The following TRIT1 variants were observed in gnomAD, a reference collection of about 807,000 sequenced individuals.
TRIT1 encodes the protein tRNA dimethylallyltransferase.
In TRIT1, 43 loss-of-function variants were observed where a neutral mutation model predicts 51.2. That is an observed-to-expected ratio of 0.84 (90% CI 0.66 to 1.08). TRIT1 has a LOEUF of 1.08. Ranked by LOEUF, TRIT1 falls within the 50% of genes least tolerant of loss-of-function variation. The pLI, the probability that TRIT1 is intolerant of heterozygous loss-of-function variation, is 0.00. For synonymous variants in TRIT1, 184 were observed against 203.9 expected, an observed-to-expected ratio of 0.90 and a Z score of 0.83; for missense variants, 528 against 578.4, an observed-to-expected ratio of 0.91 and a Z score of 0.89.
chr1:39,870,817 A>G (rs997448604), intron 1 of TRIT1, among the ~76,000 whole-genome samples: 2 of 152,182 alleles, frequency 1.3e-5, no homozygotes, highest in African/African-American at 4.8e-5. Flanking sequence ...CTCAAATGAA[A>G]TTTCACACTA....
chr1:39,865,686 A>AAAAG (rs1553144748), intron 1 of TRIT1, among the ~76,000 whole-genome samples: 2 of 147,722 alleles, frequency 1.4e-5, no homozygotes, highest in East Asian at 1.9e-4. Context: ...AAAAAAAAAA[A>AAAAG]AAAAGAAAAG....
At chr1:39,863,234 G>C (rs138850517) in intron 1 of TRIT1, among the ~76,000 whole-genome samples, 2 of 152,362 alleles carry the variant, frequency 1.3e-5, no homozygotes, top group African/African-American at 4.8e-5. Flanking sequence ...AGAAGGCTGA[G>C]TAGGAGGATC....
At chr1:39,882,492 A>G (rs1570160868) in intron 1 of TRIT1, among the ~76,000 whole-genome samples, 1 of 152,218 alleles carries the variant, frequency 6.6e-6, no homozygotes, top group African/African-American at 2.4e-5. Flanking sequence ...CCAAAATGTC[A>G]CCCACTACCC....
At chr1:39,847,171 TATTC>T (rs1456298985) in intron 8 of TRIT1, 45 bp downstream of exon 8, 2 of 1,470,520 alleles carry the variant, frequency 1.4e-6, no homozygotes, top group Middle Eastern at 3.7e-4. Flanking sequence ...AGGACATCTA[TATTC>T]TATTGAAAAC....
At chr1:39,850,333 A>C in intron 4 of TRIT1, 72 bp from the exon 5 acceptor site, 1 of 1,564,522 alleles carries the variant, frequency 6.4e-7, no homozygotes, top group Middle Eastern at 1.8e-4. Context: ...TCTCAAGTAA[A>C]ACAAGGAGAA....
At chr1:39,876,312 A>G (rs1557584949) in intron 1 of TRIT1, among the ~76,000 whole-genome samples, 1 of 152,180 alleles carries the variant, frequency 6.6e-6, no homozygotes, top group Non-Finnish European at 1.5e-5. Context: ...CTGAATCTGC[A>G]AGCCTCATCT....
At chr1:39,843,194 A>G (rs1225153265) in intron 10 of TRIT1, among the ~76,000 whole-genome samples, 1 of 152,112 alleles carries the variant, frequency 6.6e-6, no homozygotes, top group Admixed American at 6.5e-5. Flanking sequence ...CAGTTAATAG[A>G]CCTAATCATC....
In TRIT1 at chr1:39,883,262, G is replaced by A. The variant is rs534639699; in HGVS notation, c.174+56C>T. ...TCACCCTTTAAGACCTTTGCCACAG[G>A]GTGTCCACGCGGCCTCCGGGGTCCC... is the stretch of plus-strand genomic sequence containing the variant. On this transcript the variant is annotated intron_variant, in intron 1 of 10. Coordinates refer to ENST00000316891, the MANE Select transcript of TRIT1 (RefSeq NM_017646.6). 1.2e-3 allele frequency: 1,906 copies of A among 1,549,196 alleles called. 6 individuals are homozygous for A. The highest frequency in any genetic ancestry group is 1.5e-3 in the Non-Finnish European group (1,664 of 1,144,672).
rs552491782 is a variant in TRIT1, at chr1:39,869,182, C to T, written c.175-11765G>A. On this transcript the variant is annotated intron_variant, in intron 1 of 10. Transcript: ENST00000316891. ...AGGCTGGACTGTAGTGCCGCCATCTCGGCTCACTGCAACCTCCCTGCCTGA... is the reference window on the plus strand; with the variant it reads ...AGGCTGGACTGTAGTGCCGCCATCTTGGCTCACTGCAACCTCCCTGCCTGA... 3.6e-3 allele frequency among the ~76,000 whole-genome samples: 540 copies of T among 152,080 alleles called. 5 individuals are homozygous for T. The highest frequency in any genetic ancestry group is 3.8e-3 in the Non-Finnish European group (260 of 67,966).
intron 1 of TRIT1, among the ~76,000 whole-genome samples, chr1:39,859,062 C>T (rs993631139): frequency 5.3e-5 from 8 of 151,670 alleles, no homozygotes; most frequent in African/African-American, 1.7e-4. Flanking sequence ...ACCAGCCTGA[C>T]CAACATGATG....
At chr1:39,847,808 C>T in intron 6 of TRIT1, 148 bp from the exon 7 acceptor site, 2 of 1,475,632 alleles carry the variant, frequency 1.4e-6, no homozygotes, top group Non-Finnish European at 1.8e-6. Context: ...TTTCCCCTCC[C>T]CTACCCACCA....
rs1047174252 is a variant in TRIT1 at position 39,883,420 on chromosome 1, A to T, written c.72T>A (p.Pro24=). 2.5e-6 allele frequency: 4 copies of T among 1,613,608 alleles called. No individual in the cohort carries two copies. In the African/African-American group the frequency reaches 5.3e-5, roughly 22 times the overall value. ...CCGTGGCCCCGAGAATCACTACAAGAGGTAGGGTCCGTTGCAGGCCCCTGA... is the reference window on the plus strand; with the variant it reads ...CCGTGGCCCCGAGAATCACTACAAGTGGTAGGGTCCGTTGCAGGCCCCTGA... The part of the protein sequence containing the change: ...SGLRGLQRTL[P]LVVILGATGT... The change falls in exon 1 of 11, where the codon CCT becomes CCA. Residue 24 remains proline (P), a synonymous_variant. Coordinates refer to ENST00000316891, the MANE Select transcript of TRIT1 (RefSeq NM_017646.6).
rs1245902283 is a variant in TRIT1, at chr1:39,848,109, T to A, written c.704-12A>T. 3.7e-6 allele frequency: 6 copies of A among 1,610,538 alleles called. No homozygotes were observed. The highest frequency in any genetic ancestry group is 5.1e-6 in the Non-Finnish European group (6 of 1,176,856). On this transcript the variant is annotated splice_polypyrimidine_tract_variant and intron_variant, in intron 5 of 10. Transcript: ENST00000316891. ...GCGCTCATCTAGAACTTGAATCAAATTAGCCCATCAACCAGCAAGCAAGTT... is the reference window on the plus strand; with the variant it reads ...GCGCTCATCTAGAACTTGAATCAAAATAGCCCATCAACCAGCAAGCAAGTT...
chr1:39,878,082 G>A (rs1644129066), intron 1 of TRIT1, among the ~76,000 whole-genome samples: 2 of 152,050 alleles, frequency 1.3e-5, no homozygotes, highest in Admixed American at 6.6e-5. Context: ...CCCTCAGAAA[G>A]TAGTTCTGAC....
chr1:39,882,874 C>A (rs1253961588), intron 1 of TRIT1, among the ~76,000 whole-genome samples: 7 of 152,196 alleles, frequency 4.6e-5, no homozygotes, highest in Non-Finnish European at 8.8e-5. Context: ...CCCCAGCAGA[C>A]ACCATAGGTG....
Position 39,875,945 on chromosome 1 carries a change from A to G in TRIT1, c.174+7373T>C, listed in dbSNP as rs557100524. ...TTTGTCAAACTTTTAGAACTGCCTG[A>G]CATATATATTATTCTTGCTATTATC... On this transcript the variant is annotated intron_variant, in intron 1 of 10. Coordinates refer to ENST00000316891, the MANE Select transcript of TRIT1 (RefSeq NM_017646.6). The G allele has an allele frequency of 7.2e-5, 11 of 152,260 alleles. No individual in the cohort carries two copies. In the East Asian group the frequency reaches 1.9e-3, roughly 27 times the overall value. 9.4% of individuals were successfully genotyped at this position (152,260 alleles called of 1,614,324 possible). A position where few individuals can be genotyped will look rare whatever the true frequency, so the allele number is the denominator to read the frequency against.
chr1:39,840,858 T>A lies in TRIT1; in HGVS notation c.*886A>T, dbSNP rs1641845373. 6.6e-6 allele frequency among the ~76,000 whole-genome samples: 1 copy of A among 152,056 alleles called. No individual in the cohort carries two copies. On this transcript the variant is annotated 3_prime_UTR_variant, in exon 11 of 11. Coordinates refer to ENST00000316891, the MANE Select transcript of TRIT1 (RefSeq NM_017646.6). ...GAGGGCTTCAATTGGAAGTAATAGA[T>A]CTCCAATAAAAGACCCTCTCTAGAT...
At chr1:39,843,574 C>T (rs1270088682) in intron 10 of TRIT1, among the ~76,000 whole-genome samples, 2 of 152,198 alleles carry the variant, frequency 1.3e-5, no homozygotes, top group Non-Finnish European at 2.9e-5. Flanking sequence ...CTCTTAACTT[C>T]TTTTTATCAC....
At chr1:39,845,804 C>G (rs1033757108) in intron 8 of TRIT1, among the ~76,000 whole-genome samples, 1 of 152,204 alleles carries the variant, frequency 6.6e-6, no homozygotes, top group African/African-American at 2.4e-5. Context: ...GAACCATATC[C>G]CAGCAGACCA....
Sources: allele counts gnomAD v4.1 joint callset (sites outside exome capture counted in the v4.1 genomes callset), GRCh38; gene constraint gnomAD v4.1.1; transcripts MANE v1.5; gene names NCBI Gene and HGNC (gene_info 2026-07-23, HGNC 2026-07-21).